DIAPH2: variants seen among roughly 807,000 people sequenced by gnomAD.
The protein encoded by DIAPH2 is protein diaphanous homolog 2.
DIAPH2 carries 35 observed loss-of-function variants against 92.7 expected under a neutral mutation model. The ratio of observed to expected loss-of-function variants is 0.38; its 90% confidence interval spans 0.29 to 0.50. The LOEUF is 0.50. Among genes scored for constraint, DIAPH2 ranks in the 20% least tolerant of loss-of-function variants. The pLI, the probability that DIAPH2 is intolerant of heterozygous loss-of-function variation, is 0.94. For synonymous variants in DIAPH2, 301 were observed against 280.4 expected (o/e 1.07, Z -0.73); for missense variants, 701 against 819.5 (o/e 0.86, Z 1.77).
intron 1 of DIAPH2, among the ~76,000 whole-genome samples, chrX:96,714,232 T>A (rs1456560466): frequency 2.7e-5 from 3 of 110,185 alleles, no homozygotes; most frequent in African/African-American, 9.9e-5. Flanking sequence ...ATGTATTGCT[T>A]CTTTATAGCA....
At chrX:97,061,952 G>A (rs1036932813) in intron 17 of DIAPH2, among the ~76,000 whole-genome samples, 4 of 110,896 alleles carry the variant, frequency 3.6e-5, no homozygotes, top group Non-Finnish European at 7.6e-5. Context: ...GAGAGGCAGT[G>A]GTATCTTATA....
chrX:97,006,605 T>A (rs1602708897), intron 17 of DIAPH2, among the ~76,000 whole-genome samples: 1 of 112,449 alleles, frequency 8.9e-6, no homozygotes, highest in Non-Finnish European at 1.9e-5. Context: ...TGGCATGGAA[T>A]ATCTTTTTCC....
intron 5 of DIAPH2, among the ~76,000 whole-genome samples, chrX:96,889,783 A>G (rs963090837): frequency 8.9e-6 from 1 of 111,838 alleles, no homozygotes; most frequent in Non-Finnish European, 1.9e-5. Context: ...ACAGAGGTCT[A>G]AAGGAAGTAT....
At chrX:97,085,999 G>A (rs139918171) in intron 19 of DIAPH2, among the ~76,000 whole-genome samples, 18 of 111,466 alleles carry the variant, frequency 1.6e-4, no homozygotes, top group African/African-American at 5.5e-4. Context: ...AGGAAAGACC[G>A]TAAGCAGGAT....
chrX:97,401,768 A>G (rs902210687), intron 25 of DIAPH2, among the ~76,000 whole-genome samples: 4 of 112,049 alleles, frequency 3.6e-5, no homozygotes, highest in African/African-American at 6.5e-5. Context: ...CTAGAGCCCA[A>G]TGACTCATCT....
intron 22 of DIAPH2, among the ~76,000 whole-genome samples, chrX:97,195,639 C>T (rs1392563289): frequency 5.7e-5 from 5 of 87,123 alleles, no homozygotes; most frequent in South Asian, 6.0e-4. Flanking sequence ...CCAGCCTGGG[C>T]GATAGAGCAA....
Position 97,058,600 on chromosome X carries a change from T to C in DIAPH2, c.2051-14341T>C, listed in dbSNP as rs763006530. 5.4e-5 allele frequency among the ~76,000 whole-genome samples: 6 copies of C among 110,445 alleles called. No homozygotes were observed. In the South Asian group the frequency reaches 1.6e-3, roughly 29 times the overall value. ...AACTCCCCTGTTTCTCATACCTTTT[T>C]ATTGTTCTTTTTGTCCTCTTAATTG... On this transcript the variant is annotated intron_variant, in intron 17 of 26. Transcript: ENST00000324765.
chrX:96,982,571 T>C (rs2066004516), intron 17 of DIAPH2, among the ~76,000 whole-genome samples: 1 of 112,286 alleles, frequency 8.9e-6, no homozygotes, highest in East Asian at 2.8e-4. Flanking sequence ...GAAGCTGGTG[T>C]GATTAGGTAC....
chrX:96,729,375 A>G (rs1296569803), intron 1 of DIAPH2, among the ~76,000 whole-genome samples: 1 of 112,144 alleles, frequency 8.9e-6, no homozygotes, highest in Non-Finnish European at 1.9e-5. Context: ...TAATTCAGGC[A>G]CTAAGTGACT....
chrX:97,247,638 A>T (rs993991354), intron 22 of DIAPH2, 77 bp from the exon 23 acceptor site: 78 of 976,892 alleles, frequency 8.0e-5, no homozygotes, highest in Non-Finnish European at 1.0e-4. Context: ...AAAGACTTTA[A>T]CTGATAATGT....
At chrX:97,552,201 C>T in intron 26 of DIAPH2, among the ~76,000 whole-genome samples, 1 of 111,526 alleles carries the variant, frequency 9.0e-6, no homozygotes, top group East Asian at 2.8e-4. Flanking sequence ...AAAAAGTTCC[C>T]TTCATTTCTT....
intron 26 of DIAPH2, chrX:97,469,813 T>A: frequency 1.7e-6 from 2 of 1,169,331 alleles, no homozygotes; most frequent in Non-Finnish European, 1.1e-6. Flanking sequence ...AATCAAGTAG[T>A]AAAAGTTTCT....
chrX:96,794,341 G>A (rs2064523496), intron 4 of DIAPH2, among the ~76,000 whole-genome samples: 1 of 111,036 alleles, frequency 9.0e-6, no homozygotes. Flanking sequence ...CGAGTACAAT[G>A]CCTGAAACAA....
chrX:96,836,085 C>G (rs1223714676), intron 4 of DIAPH2, among the ~76,000 whole-genome samples: 1 of 106,380 alleles, frequency 9.4e-6, no homozygotes, highest in African/African-American at 3.3e-5. Flanking sequence ...GTCACTGTGC[C>G]TAGCCAAGCA....
intron 22 of DIAPH2, among the ~76,000 whole-genome samples, chrX:97,247,021 G>A (rs1304297021): frequency 8.9e-6 from 1 of 112,155 alleles, no homozygotes; most frequent in Non-Finnish European, 1.9e-5. Flanking sequence ...GTATTTAGGA[G>A]CAGTTTGAAT....
At chrX:96,851,877 C>G (rs2065008336) in intron 4 of DIAPH2, among the ~76,000 whole-genome samples, 1 of 112,188 alleles carries the variant, frequency 8.9e-6, no homozygotes, top group Admixed American at 9.4e-5. Context: ...GTTGTTCCTC[C>G]TAATCAATAT....
At position 96,941,229 on chromosome X, in the gene DIAPH2, C is replaced by T. The variant is rs1442400101; in HGVS notation, c.1326-789C>T. 4.5e-5 allele frequency among the ~76,000 whole-genome samples: 5 copies of T among 111,759 alleles called. No individual in the cohort carries two copies. In the South Asian group the frequency reaches 1.9e-3, roughly 41 times the overall value. On this transcript the variant is annotated intron_variant, in intron 12 of 26. Transcript: ENST00000324765. ...GTTTATATCATAATTTGTCTATAGTCGTACTTCTTACTACTGATTTTTCTC... is the reference window on the plus strand; with the variant it reads ...GTTTATATCATAATTTGTCTATAGTTGTACTTCTTACTACTGATTTTTCTC...
intron 4 of DIAPH2, among the ~76,000 whole-genome samples, chrX:96,872,634 G>T (rs1270437974): frequency 9.2e-6 from 1 of 108,560 alleles, no homozygotes; most frequent in African/African-American, 3.4e-5. Flanking sequence ...TGGGATTACA[G>T]GTGCACGCCA....
At chrX:96,814,897 T>C (rs1022652960) in intron 4 of DIAPH2, among the ~76,000 whole-genome samples, 12 of 111,505 alleles carry the variant, frequency 1.1e-4, no homozygotes, top group Admixed American at 9.5e-4. Flanking sequence ...ATCCTTCGTC[T>C]GGAAGCTTTG....
Sources: gnomAD v4.1 joint callset for allele counts (sites outside exome capture counted in the v4.1 genomes callset) on GRCh38, gnomAD v4.1.1 for gene constraint, MANE v1.5 for transcripts, NCBI Gene and HGNC (gene_info 2026-07-23, HGNC 2026-07-21) for gene names.